Variants in MSRA observed in about 807,000 individuals in gnomAD.
The protein encoded by MSRA is methionine sulfoxide reductase A.
MSRA carries 54 observed loss-of-function variants against 31.3 expected under a neutral mutation model. The ratio of observed to expected loss-of-function variants is 1.73; its 90% CI spans 1.39 to 2.17. The LOEUF (loss-of-function observed/expected upper bound fraction) is 2.17. Among genes scored for constraint, MSRA ranks in the 30% most tolerant of loss-of-function variants. The probability of loss-of-function intolerance (pLI) is 0.00; values close to 1 mark genes in which losing one functional copy is unlikely to be tolerated. For missense variants in MSRA, 507 were observed against 300.9 expected, an observed-to-expected ratio of 1.69 and a Z score of -5.07; for synonymous variants, 169 against 116.5, an observed-to-expected ratio of 1.45 and a Z score of -2.90.
intron 3 of MSRA, among the ~76,000 whole-genome samples, chr8:10,252,631 A>C (rs182338205): frequency 6.6e-4 from 101 of 152,342 alleles, no homozygotes; most frequent in Admixed American, 1.3e-3. Flanking sequence ...AAGCTTCTGC[A>C]AATTGGCTTC....
At chr8:10,300,788 A>G (rs941160125) in intron 3 of MSRA, among the ~76,000 whole-genome samples, 1 of 152,134 alleles carries the variant, frequency 6.6e-6, no homozygotes, top group South Asian at 2.1e-4. Flanking sequence ...GCCATGCTCT[A>G]AGACTATAAA....
intron 1 of MSRA, among the ~76,000 whole-genome samples, chr8:10,189,444 C>T (rs1390929880): frequency 6.6e-6 from 1 of 152,116 alleles, no homozygotes. Flanking sequence ...TGAGAACGTT[C>T]GGTCTGTTAC....
chr8:10,215,044 T>C (rs1285209648), intron 2 of MSRA, among the ~76,000 whole-genome samples: 2 of 152,176 alleles, frequency 1.3e-5, no homozygotes, highest in Non-Finnish European at 2.9e-5. Flanking sequence ...TGGGTTCATA[T>C]GTTTAGAGTA....
rs1255215960 is a variant in MSRA, at chr8:10,343,089, G to C, written c.543+23100G>C. Among the ~76,000 whole-genome samples the C allele has an allele frequency of 2.7e-5, 4 of 150,270 alleles. No individual in the cohort carries two copies. In the East Asian group the frequency reaches 7.8e-4, roughly 29 times the overall value. ...CACACACACACATTTTAGCTTCCCA[G>C]CTAATTCTTAGAGGGATACATTTGT... On this transcript the variant is annotated intron_variant, in intron 5 of 5. Transcript: ENST00000317173.
intron 1 of MSRA, among the ~76,000 whole-genome samples, chr8:10,155,598 C>A (rs12334619): frequency 1.3e-5 from 2 of 152,092 alleles, no homozygotes; most frequent in Non-Finnish European, 2.9e-5. Context: ...AGAGAAATGG[C>A]GAGCCTGAGA....
chr8:10,301,640 T>G lies in MSRA; in HGVS notation c.436+2T>G. 6.2e-7 allele frequency: 1 copy of G among 1,608,536 alleles called. No homozygotes were observed. Among genetic ancestry groups the G allele is most frequent in the Non-Finnish European group, 8.5e-7 (1 of 1,176,240 alleles). On this transcript the variant is annotated splice_donor_variant, in intron 4 of 5. Coordinates refer to ENST00000317173, the MANE Select transcript of MSRA (RefSeq NM_012331.5). LOFTEE classifies it high-confidence loss of function. The stretch of plus-strand genomic sequence containing the variant: ...GGGAGAATCACGACCCGACCCAAGG[T>G]AGAGTGATGAGTGAGCCAGTATTTA...
intron 5 of MSRA, among the ~76,000 whole-genome samples, chr8:10,419,808 G>C (rs139976990): frequency 2.3e-4 from 35 of 152,322 alleles, no homozygotes; most frequent in African/African-American, 7.9e-4. Context: ...CAAGCTCTCT[G>C]TTAGCTTTCT....
At chr8:10,166,247 G>T (rs1805109170) in intron 1 of MSRA, among the ~76,000 whole-genome samples, 1 of 152,136 alleles carries the variant, frequency 6.6e-6, no homozygotes, top group Admixed American at 6.5e-5. Context: ...GGTAGCAGGG[G>T]AGAATGAACT....
At chr8:10,323,745 CGTGT>C (rs10643873) in intron 5 of MSRA, among the ~76,000 whole-genome samples, 4 of 142,620 alleles carry the variant, frequency 2.8e-5, no homozygotes, top group East Asian at 2.1e-4. Context: ...GAATTAAATA[CGTGT>C]GTGTGTGTGT....
chr8:10,187,540 A>G lies in MSRA; in HGVS notation c.143-20293A>G, dbSNP rs1418971747. On this transcript the variant is annotated intron_variant, in intron 1 of 5. Coordinates refer to ENST00000317173, the MANE Select transcript of MSRA (RefSeq NM_012331.5). ...CAAAAATCGTTCCACAGCCCAAGGC[A>G]ACATTGACTTAATACATTTCTCAAC... Among the ~76,000 whole-genome samples the G allele has an allele frequency of 2.6e-5, 4 of 152,324 alleles. No individual in the cohort carries two copies. The East Asian group carries it at 7.7e-4, about 29-fold the overall frequency.
intron 3 of MSRA, among the ~76,000 whole-genome samples, chr8:10,258,886 C>A (rs960658808): frequency 5.9e-5 from 9 of 152,150 alleles, no homozygotes; most frequent in Non-Finnish European, 1.3e-4. Context: ...GCGGGCAGAT[C>A]GCTTGAGGTC....
intron 1 of MSRA, among the ~76,000 whole-genome samples, chr8:10,107,086 T>G (rs1196055733): frequency 2.0e-5 from 3 of 152,150 alleles, no homozygotes; most frequent in Non-Finnish European, 4.4e-5. Context: ...ATCACCCAGC[T>G]GATGATACAG....
intron 5 of MSRA, among the ~76,000 whole-genome samples, chr8:10,386,432 A>G (rs1806396192): frequency 6.6e-6 from 1 of 152,336 alleles, no homozygotes; most frequent in East Asian, 1.9e-4. Context: ...TTATATGATG[A>G]TGTTCACTGG....
rs111454771 is a variant in MSRA, at chr8:10,241,936, T to G, written c.212-3168T>G. Among the ~76,000 whole-genome samples, 240 of 152,260 alleles carry G rather than the reference T, an allele frequency of 1.6e-3. 1 individual carries two copies. The highest frequency in any genetic ancestry group is 5.5e-3 in the African/African-American group (229 of 41,546). On this transcript the variant is annotated intron_variant, in intron 2 of 5. Transcript: ENST00000317173. ...CAAGTAGACTGTGATCTTCAAGGGATAAGGTCAAAGGAAAAGAATGGAGAC... is the reference window on the plus strand; with the variant it reads ...CAAGTAGACTGTGATCTTCAAGGGAGAAGGTCAAAGGAAAAGAATGGAGAC...
intron 2 of MSRA, among the ~76,000 whole-genome samples, chr8:10,210,577 C>G (rs1429589707): frequency 1.3e-5 from 2 of 152,166 alleles, no homozygotes; most frequent in Non-Finnish European, 2.9e-5. Context: ...TTCCATTTGA[C>G]CACAGTAGCA....
At chr8:10,369,250 TA>T (rs745787105) in intron 5 of MSRA, among the ~76,000 whole-genome samples, 4,124 of 139,870 alleles carry the variant, frequency 0.029, 156 homozygotes, top group African/African-American at 0.088. Flanking sequence ...TAGAGTTCTT[TA>T]AAAAAAAAAA....
intron 5 of MSRA, among the ~76,000 whole-genome samples, chr8:10,400,937 G>A (rs1268031198): frequency 1.3e-5 from 2 of 152,294 alleles, no homozygotes; most frequent in East Asian, 3.9e-4. Context: ...GGAAAACATA[G>A]AGGAAAGTCT....
intron 3 of MSRA, among the ~76,000 whole-genome samples, chr8:10,270,309 A>T (rs1358959609): frequency 1.3e-5 from 2 of 152,194 alleles, no homozygotes; most frequent in East Asian, 3.8e-4. Flanking sequence ...ACAAAATGCC[A>T]TACAAAAGAA....
intron 5 of MSRA, among the ~76,000 whole-genome samples, chr8:10,409,264 G>C (rs1349157930): frequency 6.6e-6 from 1 of 152,124 alleles, no homozygotes; most frequent in Non-Finnish European, 1.5e-5. Context: ...TAGCCATTCT[G>C]ACTGGTGTAA....
Sources: gnomAD v4.1 joint callset for allele counts (sites outside exome capture counted in the v4.1 genomes callset) on GRCh38, gnomAD v4.1.1 for gene constraint, MANE v1.5 for transcripts, NCBI Gene and HGNC (gene_info 2026-07-23, HGNC 2026-07-21) for gene names.